Variants in PCSK5 observed in about 807,000 individuals in gnomAD.
PCSK5 encodes prohormone convertase 5.
A neutral mutation model predicts 233.2 loss-of-function variants in PCSK5; 129 were observed. The ratio of observed to expected loss-of-function variants is 0.55; its 90% CI spans 0.48 to 0.64. PCSK5 has a LOEUF of 0.64. Ranked by LOEUF, PCSK5 falls within the 30% of genes least tolerant of loss-of-function variation. The pLI, the probability that PCSK5 is intolerant of heterozygous loss-of-function variation, is 0.00. For synonymous variants in PCSK5, 825 were observed against 879.2 expected (o/e 0.94, Z 1.09); for missense variants, 2,076 against 2,430.1 (o/e 0.85, Z 3.06).
chr9:76,177,191 G>C (rs970146931), intron 14 of PCSK5, among the ~76,000 whole-genome samples: 11 of 152,126 alleles, frequency 7.2e-5, no homozygotes, highest in Admixed American at 7.2e-4. Context: ...CTACTGGAGA[G>C]GCTGAGGCAC....
chr9:76,128,906 C>T (rs1462967284), intron 9 of PCSK5, among the ~76,000 whole-genome samples: 1 of 152,154 alleles, frequency 6.6e-6, no homozygotes. Flanking sequence ...TATTGTAGAA[C>T]ACAAAACAAA....
chr9:76,220,749 C>CTTATT (rs1486948040), intron 20 of PCSK5, among the ~76,000 whole-genome samples: 3 of 152,038 alleles, frequency 2.0e-5, no homozygotes, highest in African/African-American at 4.8e-5. Flanking sequence ...ACCTCACATA[C>CTTATT]TTATTTTTTG....
chr9:76,339,252 T>C (rs1474388831), intron 35 of PCSK5, among the ~76,000 whole-genome samples: 3 of 152,192 alleles, frequency 2.0e-5, no homozygotes, highest in Non-Finnish European at 2.9e-5. Flanking sequence ...ATATTTTAAT[T>C]GTTAAAACTT....
At chr9:76,057,395 C>T (rs772943220) in intron 5 of PCSK5, among the ~76,000 whole-genome samples, 1 of 151,860 alleles carries the variant, frequency 6.6e-6, no homozygotes, top group Non-Finnish European at 1.5e-5. Flanking sequence ...ATATTTTTCT[C>T]GGGGTAGTGA....
At chr9:75,953,963 G>T (rs1407830856) in intron 2 of PCSK5, among the ~76,000 whole-genome samples, 1 of 152,138 alleles carries the variant, frequency 6.6e-6, no homozygotes, top group Non-Finnish European at 1.5e-5. Flanking sequence ...TGGACTTGGA[G>T]CTAAGAATCA....
chr9:76,105,042 G>A (rs80029387), intron 8 of PCSK5, among the ~76,000 whole-genome samples: 2,140 of 152,268 alleles, frequency 0.014, 57 homozygotes, highest in African/African-American at 0.048. Flanking sequence ...TGGAATTACC[G>A]ATTTGAAAGA....
At chr9:76,029,945 A>T (rs1828585599) in intron 5 of PCSK5, among the ~76,000 whole-genome samples, 1 of 152,242 alleles carries the variant, frequency 6.6e-6, no homozygotes, top group Non-Finnish European at 1.5e-5. Context: ...AAACATTCTT[A>T]TTGCACTTAT....
intron 10 of PCSK5, among the ~76,000 whole-genome samples, chr9:76,152,597 G>A (rs986263951): frequency 1.3e-5 from 2 of 152,132 alleles, no homozygotes; most frequent in Non-Finnish European, 2.9e-5. Context: ...TCCTTATAGA[G>A]TGATTTACTA....
chr9:75,981,482 C>A (rs1240239480), intron 2 of PCSK5, among the ~76,000 whole-genome samples: 1 of 152,188 alleles, frequency 6.6e-6, no homozygotes, highest in Non-Finnish European at 1.5e-5. Flanking sequence ...AATATAAAAT[C>A]ATCTAAGGCA....
At chr9:76,322,719 T>C (rs1829243534) in intron 31 of PCSK5, among the ~76,000 whole-genome samples, 1 of 152,248 alleles carries the variant, frequency 6.6e-6, no homozygotes, top group African/African-American at 2.4e-5. Flanking sequence ...TTTAAATCTG[T>C]TAATGCTCTT....
chr9:76,252,790 C>T (rs560388473), intron 24 of PCSK5, among the ~76,000 whole-genome samples: 23 of 152,332 alleles, frequency 1.5e-4, no homozygotes, highest in African/African-American at 5.3e-4. Flanking sequence ...ACTACTCCAT[C>T]TTTCCATAGG....
intron 7 of PCSK5, among the ~76,000 whole-genome samples, chr9:76,077,929 G>A (rs1406171369): frequency 3.9e-5 from 6 of 152,324 alleles, no homozygotes; most frequent in African/African-American, 1.4e-4. Flanking sequence ...ACCCAGTAAT[G>A]GAATTGCTAG....
At chr9:75,978,076 G>A (rs879829960) in intron 2 of PCSK5, among the ~76,000 whole-genome samples, 7 of 152,036 alleles carry the variant, frequency 4.6e-5, no homozygotes, top group Non-Finnish European at 7.4e-5. Context: ...GTTGAAATAC[G>A]AAACATTTTG....
At position 76,181,392 on chromosome 9, in the gene PCSK5, A is replaced by T. The variant is rs1184765591; in HGVS notation, c.2004-6A>T. 4.3e-6 allele frequency: 7 copies of T among 1,610,158 alleles called. No homozygotes were observed. Among genetic ancestry groups the T allele is most frequent in the Non-Finnish European group, 5.9e-6 (7 of 1,178,142 alleles). ...CTGCCTTCTTTCTTATTGTTTCACA[A>T]TGCAGGATCTGTGTCTCCAGCTGCC... On this transcript the variant is annotated splice_polypyrimidine_tract_variant and splice_region_variant and intron_variant, in intron 15 of 37. Coordinates refer to ENST00000674117, the MANE Select transcript of PCSK5 (RefSeq NM_001372043.1).
At chr9:76,189,003 G>C (rs371071679) in intron 18 of PCSK5, 91 bp from the exon 19 acceptor site, 1 of 1,089,264 alleles carries the variant, frequency 9.2e-7, no homozygotes, top group African/African-American at 1.6e-5. Flanking sequence ...ATTCTTTGAC[G>C]CCATTTTCTC....
intron 9 of PCSK5, among the ~76,000 whole-genome samples, chr9:76,115,324 A>G (rs1832382018): frequency 1.3e-5 from 2 of 152,258 alleles, no homozygotes; most frequent in South Asian, 2.1e-4. Context: ...CATGATTGCT[A>G]TAAGTGACTG....
intron 20 of PCSK5, among the ~76,000 whole-genome samples, chr9:76,217,586 A>C (rs945391153): frequency 5.9e-5 from 9 of 152,254 alleles, no homozygotes; most frequent in Admixed American, 3.9e-4. Context: ...GCTGAGGTTC[A>C]CATCTAGGAC....
At chr9:76,156,598 A>T (rs1228533876) in intron 10 of PCSK5, among the ~76,000 whole-genome samples, 1 of 152,238 alleles carries the variant, frequency 6.6e-6, no homozygotes, top group Non-Finnish European at 1.5e-5. Context: ...TGATGTCATC[A>T]CTTAAATGCA....
At chr9:76,053,570 T>C (rs991410702) in intron 5 of PCSK5, among the ~76,000 whole-genome samples, 2 of 152,154 alleles carry the variant, frequency 1.3e-5, no homozygotes, top group African/African-American at 2.4e-5. Context: ...CGTTCAAATT[T>C]CCATAGATCT....
Sources: allele counts gnomAD v4.1 joint callset (sites outside exome capture counted in the v4.1 genomes callset), GRCh38; gene constraint gnomAD v4.1.1; transcripts MANE v1.5; gene names NCBI Gene and HGNC (gene_info 2026-07-23, HGNC 2026-07-21).